BPHL: variants seen among roughly 807,000 people sequenced by gnomAD.
BPHL encodes the protein biphenyl hydrolase like.
In BPHL, 27 loss-of-function variants were observed where a neutral mutation model predicts 31.2. The ratio of observed to expected loss-of-function variants is 0.87; its 90% CI spans 0.64 to 1.19. BPHL has a LOEUF of 1.19. BPHL is among the 50% of genes most tolerant of loss of function. The probability of loss-of-function intolerance (pLI) is 0.00; values close to 1 mark genes in which losing one functional copy is unlikely to be tolerated. For missense variants in BPHL, 356 were observed against 375.7 expected, an observed-to-expected ratio of 0.95 and a Z score of 0.43; for synonymous variants, 150 against 146.8, an observed-to-expected ratio of 1.02 and a Z score of -0.16.
intron 1 of BPHL, among the ~76,000 whole-genome samples, chr6:3,119,709 A>G (rs1179401226): frequency 3.9e-5 from 6 of 152,218 alleles, no homozygotes; most frequent in Admixed American, 2.0e-4. Context: ...TGCGCAGTTG[A>G]CTGTTGATGG....
chr6:3,119,110 G>A (rs1043530488), intron 1 of BPHL, among the ~76,000 whole-genome samples: 1 of 152,226 alleles, frequency 6.6e-6, no homozygotes, highest in African/African-American at 2.4e-5. Context: ...GCTATAGAGT[G>A]CAGCCCCTTC....
At position 3,123,669 on chromosome 6, in the gene BPHL, C is replaced by A. The variant is rs114798196; in HGVS notation, c.120C>A (p.Thr40=). 1.7e-5 allele frequency: 28 copies of A among 1,613,536 alleles called. No individual in the cohort carries two copies. In the African/African-American group the frequency reaches 3.6e-4, roughly 21 times the overall value. ...TTTTCTCTTCTAGCACCTCGGTAAC[C>A]TCTGCCAAAGTGGCTGTGAATGGCG... The part of the protein sequence containing the change: ...GPAAAFGTSV[T]SAKVAVNGVQ... Residue 40 remains threonine (T), a synonymous_variant, in exon 2 of 7, where the codon ACC becomes ACA. Coordinates refer to ENST00000380379, the MANE Select transcript of BPHL (RefSeq NM_004332.4).
At position 3,129,210 on chromosome 6, in the gene BPHL, G is replaced by A. The variant is rs1176536136; in HGVS notation, c.532+12G>A. Reference sequence around the variant, plus strand: ...CATGATATATGAGGGTAGGTTCTGCGAAGGGGAGATGCCGGGACGGCAGAT... The same window carrying A: ...CATGATATATGAGGGTAGGTTCTGCAAAGGGGAGATGCCGGGACGGCAGAT... On this transcript the variant is annotated intron_variant, in intron 4 of 6. Transcript: ENST00000380379. The A allele has an allele frequency of 3.9e-6, 6 of 1,543,854 alleles. No individual in the cohort carries two copies. The highest frequency in any genetic ancestry group is 2.5e-5 in the South Asian group (2 of 79,146).
intron 4 of BPHL, among the ~76,000 whole-genome samples, chr6:3,131,856 T>C (rs1423096283): frequency 6.6e-6 from 1 of 152,190 alleles, no homozygotes; most frequent in African/African-American, 2.4e-5. Context: ...ACACAGCTCC[T>C]TGGGCCTCCG....
chr6:3,142,987 G>C (rs111365745), intron 6 of BPHL, among the ~76,000 whole-genome samples: 1 of 152,198 alleles, frequency 6.6e-6, no homozygotes, highest in Admixed American at 6.5e-5. Context: ...GGGAGGCCGA[G>C]GTGGGCAGAT....
In BPHL at chr6:3,137,509, TGAA is replaced by T. The variant is rs777498025; in HGVS notation, c.664+18_664+20del. ...CTCCCAGATGGTAGGTTACTGGGCT[TGAA>T]GGGCTCTCTGCCTGTTATAGAGGGT... On this transcript the variant is annotated intron_variant, in intron 5 of 6. Transcript: ENST00000380379. The T allele has an allele frequency of 2.5e-6, 4 of 1,613,554 alleles. No homozygotes were observed. Among genetic ancestry groups the T allele is most frequent in the Non-Finnish European group, 3.4e-6 (4 of 1,179,842 alleles).
chr6:3,122,186 A>G (rs1256394950), intron 1 of BPHL, among the ~76,000 whole-genome samples: 1 of 152,222 alleles, frequency 6.6e-6, no homozygotes, highest in East Asian at 1.9e-4. Context: ...AGGCTGAGGC[A>G]GGAGAATGGT....
chr6:3,148,550 G>A (rs1212032384), intron 6 of BPHL, among the ~76,000 whole-genome samples: 2 of 152,268 alleles, frequency 1.3e-5, no homozygotes, highest in African/African-American at 2.4e-5. Context: ...ACTGCCTCCA[G>A]CCTGGACGCA....
chr6:3,137,382 T>G lies in BPHL; in HGVS notation c.553T>G (p.Trp185Gly). 2.5e-6 allele frequency: 4 copies of G among 1,612,008 alleles called. No homozygotes were observed. The highest frequency in any genetic ancestry group is 3.4e-6 in the Non-Finnish European group (4 of 1,179,588). The part of the protein sequence containing the change: ...IYEGIRDVSK[W>G]SERTRKPLEA... Reference sequence around the variant, plus strand: ...TTCAGGCATCCGAGATGTTTCCAAATGGAGTGAGAGAACAAGAAAGCCTCT... The same window carrying G: ...TTCAGGCATCCGAGATGTTTCCAAAGGGAGTGAGAGAACAAGAAAGCCTCT... The change falls in exon 5 of 7, where the codon TGG becomes GGG. Residue 185 changes from tryptophan (W) to glycine (G), a missense_variant. Trp to Gly is a radical substitution (Grantham distance 184, BLOSUM62 -2). Coordinates refer to ENST00000380379, the MANE Select transcript of BPHL (RefSeq NM_004332.4).
chr6:3,151,861 G>T (rs1445025243), intron 6 of BPHL, among the ~76,000 whole-genome samples: 1 of 152,242 alleles, frequency 6.6e-6, no homozygotes, highest in Non-Finnish European at 1.5e-5. Flanking sequence ...AGCCGTGACA[G>T]CTGCAGCAGC....
intron 1 of BPHL, among the ~76,000 whole-genome samples, chr6:3,121,820 A>G (rs73355571): frequency 0.065 from 9,966 of 152,196 alleles, 1,126 homozygotes; most frequent in African/African-American, 0.23. Flanking sequence ...CAGAAATGGT[A>G]TGTTAAGAGT....
chr6:3,148,665 G>A (rs1437965411), intron 6 of BPHL, among the ~76,000 whole-genome samples: 1 of 152,226 alleles, frequency 6.6e-6, no homozygotes, highest in Non-Finnish European at 1.5e-5. Flanking sequence ...CCCAGCTGCT[G>A]CTCAGGTGGA....
intron 4 of BPHL, among the ~76,000 whole-genome samples, chr6:3,132,913 C>G (rs537275188): frequency 3.1e-4 from 47 of 152,252 alleles, no homozygotes; most frequent in African/African-American, 1.1e-3. Flanking sequence ...CCTTATTCAA[C>G]TTTTTATTCA....
At chr6:3,123,853 G>T in intron 2 of BPHL, 93 bp downstream of exon 2, 1 of 1,039,302 alleles carries the variant, frequency 9.6e-7, no homozygotes, top group Non-Finnish European at 1.4e-6. Context: ...ATTAATTTTA[G>T]TGCTTTTTTG....
At position 3,145,611 on chromosome 6, in the gene BPHL, T is replaced by G. The variant is rs376247121; in HGVS notation, c.788+5102T>G. Among the ~76,000 whole-genome samples, 2 of 31,232 alleles carry G rather than the reference T, an allele frequency of 6.4e-5. 1 individual carries two copies. The highest frequency in any genetic ancestry group is 1.4e-4 in the Non-Finnish European group (2 of 14,326). 20.5% of individuals were successfully genotyped at this position (31,232 alleles called of 152,430 possible). A position where few individuals can be genotyped will look rare whatever the true frequency, so the allele number is the denominator to read the frequency against. ...GCTGGTTTGGGTCGGAGTGCTGGTT[T>G]GGGTCGAGTGCTGGTTCGGGTTGGA... On this transcript the variant is annotated intron_variant, in intron 6 of 6. Coordinates refer to ENST00000380379, the MANE Select transcript of BPHL (RefSeq NM_004332.4).
intron 4 of BPHL, among the ~76,000 whole-genome samples, chr6:3,135,292 G>A (rs1761984593): frequency 6.6e-6 from 1 of 152,180 alleles, no homozygotes; most frequent in South Asian, 2.1e-4. Flanking sequence ...GCTGAGTGTG[G>A]AAATGGAAGT....
chr6:3,122,093 CAG>C lies in BPHL; in HGVS notation c.108-1563_108-1562del, dbSNP rs758755073. On this transcript the variant is annotated intron_variant, in intron 1 of 6. Coordinates refer to ENST00000380379, the MANE Select transcript of BPHL (RefSeq NM_004332.4). Reference sequence around the variant, plus strand: ...AGGAGATTGAGACCATCCTGGCTAACAGGGTGAAACCCCGTCTCTACTAAAAA... The same window carrying C: ...AGGAGATTGAGACCATCCTGGCTAACGGTGAAACCCCGTCTCTACTAAAAA... 2.8e-4 allele frequency among the ~76,000 whole-genome samples: 42 copies of C among 152,216 alleles called. No individual in the cohort carries two copies. In the Middle Eastern group the frequency reaches 0.01, roughly 37 times the overall value.
chr6:3,146,231 TC>T (rs1250395214), intron 6 of BPHL, among the ~76,000 whole-genome samples: 1 of 47,974 alleles, frequency 2.1e-5, no homozygotes, highest in Non-Finnish European at 4.7e-5. Flanking sequence ...GAGTGCTGGT[TC>T]TGGTTGGAGT....
chr6:3,124,224 T>C (rs1761656334), intron 2 of BPHL: 3 of 152,136 alleles, frequency 2.0e-5, no homozygotes, highest in Admixed American at 6.5e-5. Context: ...AAAACCTCAG[T>C]TTGATTCTTT....
Sources: gnomAD v4.1 joint callset for allele counts (sites outside exome capture counted in the v4.1 genomes callset) on GRCh38, gnomAD v4.1.1 for gene constraint, MANE v1.5 for transcripts, NCBI Gene and HGNC (gene_info 2026-07-23, HGNC 2026-07-21) for gene names.